ABCA8: variants seen among roughly 807,000 people sequenced by gnomAD.
ABCA8 encodes ATP binding cassette subfamily A member 8.
ABCA8 carries 177 observed loss-of-function variants against 192.3 expected under a neutral mutation model. The observed-to-expected ratio is 0.92, with a 90% CI of 0.81 to 1.04. The LOEUF (loss-of-function observed/expected upper bound fraction) is 1.04. Among genes scored for constraint, ABCA8 ranks in the 50% least tolerant of loss-of-function variants. ABCA8 has a pLI of 0.00. For synonymous variants in ABCA8, 642 were observed against 690.2 expected (o/e 0.93, Z 1.09); for missense variants, 1,915 against 1,904.8 (o/e 1.01, Z -0.10).
intron 21 of ABCA8, among the ~76,000 whole-genome samples, chr17:68,901,419 A>G (rs1160043692): frequency 1.3e-5 from 2 of 152,200 alleles, no homozygotes; most frequent in Admixed American, 1.3e-4. Flanking sequence ...AATCAAAATC[A>G]CAAGATACTA....
intron 17 of ABCA8, among the ~76,000 whole-genome samples, chr17:68,910,929 C>A (rs79523342): frequency 6.6e-6 from 1 of 152,204 alleles, no homozygotes. Flanking sequence ...TGAATAAACA[C>A]CAGGAGTAGC....
At chr17:68,946,835 C>T (rs1448099432) in intron 2 of ABCA8, among the ~76,000 whole-genome samples, 3 of 151,900 alleles carry the variant, frequency 2.0e-5, no homozygotes, top group African/African-American at 7.3e-5. Flanking sequence ...CCGCCACTCA[C>T]GAGGCTGAGG....
intron 26 of ABCA8, among the ~76,000 whole-genome samples, chr17:68,886,126 T>C (rs951205232): frequency 1.3e-5 from 2 of 152,202 alleles, no homozygotes; most frequent in African/African-American, 4.8e-5. Context: ...TAATGACTAC[T>C]TAAAAGTTGT....
chr17:68,895,092 T>C (rs2066712681), intron 21 of ABCA8, 79 bp from the exon 22 acceptor site: 19 of 1,275,334 alleles, frequency 1.5e-5, no homozygotes, highest in Non-Finnish European at 1.7e-5. Flanking sequence ...TTACAGTTAA[T>C]GTCATTATGT....
At chr17:68,932,240 G>A in intron 7 of ABCA8, 48 bp downstream of exon 7, 2 of 1,434,162 alleles carry the variant, frequency 1.4e-6, no homozygotes, top group South Asian at 1.3e-5. Flanking sequence ...AAGATTCCCA[G>A]TTTTCCTGAG....
intron 23 of ABCA8, among the ~76,000 whole-genome samples, chr17:68,893,514 T>C (rs1185060159): frequency 6.6e-6 from 1 of 152,154 alleles, no homozygotes; most frequent in African/African-American, 2.4e-5. Flanking sequence ...AACTTTGTCT[T>C]GAATTTCTTT....
chr17:68,873,579 T>A (rs1477090889), intron 37 of ABCA8, among the ~76,000 whole-genome samples: 1 of 152,214 alleles, frequency 6.6e-6, no homozygotes, highest in Non-Finnish European at 1.5e-5. Context: ...TTATTTTTGT[T>A]TTTATTGTCT....
chr17:68,892,211 TTGC>T (rs2066636388), intron 23 of ABCA8, among the ~76,000 whole-genome samples: 1 of 152,230 alleles, frequency 6.6e-6, no homozygotes, highest in African/African-American at 2.4e-5. Context: ...ATTCTCATAG[TTGC>T]TTCTTTGATT....
In ABCA8 at chr17:68,896,384, C is replaced by T. The variant is rs1045919403; in HGVS notation, c.2765-1371G>A. On this transcript the variant is annotated intron_variant, in intron 21 of 39. Transcript: ENST00000586539. ...CATATTTATAGTAGTGCTCCCTTAT[C>T]CATGGTTTCACTTTCTGCAGTTTTA... Among the ~76,000 whole-genome samples, 5 of 152,196 alleles carry T rather than the reference C, an allele frequency of 3.3e-5. No homozygotes were observed. The South Asian group carries it at 6.2e-4, about 19-fold the overall frequency.
intron 17 of ABCA8, among the ~76,000 whole-genome samples, chr17:68,916,500 C>A (rs191320486): frequency 1.2e-3 from 190 of 152,194 alleles, no homozygotes; most frequent in African/African-American, 4.5e-3. Flanking sequence ...CCCCATAAAT[C>A]TATACACCTA....
At chr17:68,887,915 T>TAC (rs2066520178) in intron 24 of ABCA8, among the ~76,000 whole-genome samples, 1 of 45,078 alleles carries the variant, frequency 2.2e-5, no homozygotes, top group Non-Finnish European at 3.5e-5. Context: ...TATCCATATA[T>TAC]ATATATATAT....
Position 68,881,884 on chromosome 17 carries a change from C to A in ABCA8, c.3925G>T (p.Val1309Phe). 1 of 1,614,024 alleles carries A rather than the reference C, an allele frequency of 6.2e-7. No homozygotes were observed. The highest frequency in any genetic ancestry group is 8.5e-7 in the Non-Finnish European group (1 of 1,179,880). Reference protein sequence around the residue: ...KRKNKIATRNVSFCVRKGEVL... With the variant: ...KRKNKIATRNFSFCVRKGEVL... Reference sequence around the variant, plus strand: ...CAACCTTTTCTAACACAGAAGGAGACATTTCTCGTGGCTATCTTATTCTTC... The same window carrying A: ...CAACCTTTTCTAACACAGAAGGAGAAATTTCTCGTGGCTATCTTATTCTTC... The change falls in exon 31 of 40, where the codon GTC becomes TTC. Residue 1309 changes from valine (V) to phenylalanine (F), a missense_variant. By Grantham distance (50) the Val-to-Phe change is conservative (BLOSUM62 -1). Transcript: ENST00000586539.
At chr17:68,916,263 G>A (rs1042292087) in intron 17 of ABCA8, among the ~76,000 whole-genome samples, 1 of 151,826 alleles carries the variant, frequency 6.6e-6, no homozygotes, top group Admixed American at 6.6e-5. Context: ...TTACTGTGAC[G>A]TTCTTCACAG....
chr17:68,911,447 T>G lies in ABCA8; in HGVS notation c.2139-3568A>C, dbSNP rs2067225164. Among the ~76,000 whole-genome samples the G allele has an allele frequency of 6.6e-6, 1 of 152,084 alleles. No individual in the cohort carries two copies. Among genetic ancestry groups the G allele is most frequent in the Non-Finnish European group, 1.5e-5 (1 of 67,994 alleles). ...ACAGTGCCATGTAGATTCCTAAGAT[T>G]TCTGACTCCAGGTCCTTCCTCCCAG... is the stretch of plus-strand genomic sequence containing the variant. On this transcript the variant is annotated intron_variant, in intron 17 of 39. Transcript: ENST00000586539. This position sits in a 1 kb window ranked among gnomAD's most constrained non-coding sequence, Gnocchi z 5.7.
At chr17:68,922,370 GA>G (rs1259093239) in intron 11 of ABCA8, 70 bp from the exon 12 acceptor site, 2 of 1,070,632 alleles carry the variant, frequency 1.9e-6, no homozygotes, top group African/African-American at 3.3e-5. Flanking sequence ...TGGTAGACAG[GA>G]TTGGATAAAT....
rs780990946 is a variant in ABCA8, at chr17:68,940,843, T to G, written c.216A>C (p.Glu72Asp). 1.2e-6 allele frequency: 2 copies of G among 1,613,556 alleles called. No individual in the cohort carries two copies. The highest frequency in any genetic ancestry group is 1.7e-6 in the Non-Finnish European group (2 of 1,179,594). Residue 72 changes from glutamate (E) to aspartate (D), a missense_variant, in exon 4 of 40, where the codon GAA (glutamate) becomes GAC (aspartate). Coordinates refer to ENST00000586539, the MANE Select transcript of ABCA8 (RefSeq NM_001288985.2). Reference sequence around the variant, plus strand: ...GTGTGTATACAACAGAAAATCTGGATTCATTAAATGTATCTACCCGTCCCA... The same window carrying G: ...GTGTGTATACAACAGAAAATCTGGAGTCATTAAATGTATCTACCCGTCCCA... ...MDLGRVDTFN[E>D]SRFSVVYTPV...
chr17:68,876,777 G>A, intron 33 of ABCA8, 74 bp from the exon 34 acceptor site: 1 of 1,582,810 alleles, frequency 6.3e-7, no homozygotes. Flanking sequence ...AAGCAAGGGT[G>A]GAGAAGCAGA....
chr17:68,882,640 CTCTT>C lies in ABCA8; in HGVS notation c.3783_3786del (p.Arg1262Ter). 6.2e-7 allele frequency: 1 copy of C among 1,612,914 alleles called. No homozygotes were observed. Among genetic ancestry groups the C allele is most frequent in the Non-Finnish European group, 8.5e-7 (1 of 1,179,466 alleles). On this transcript the variant is annotated frameshift_variant, in exon 30 of 40. Coordinates refer to ENST00000586539, the MANE Select transcript of ABCA8 (RefSeq NM_001288985.2). LOFTEE classifies it high-confidence loss of function. ...GAATTCAAGGCATTTGCTGTTCTCA[CTCTT>C]TCCATCTGAACATCTTCATCCTCTC... is the stretch of plus-strand genomic sequence containing the variant.
intron 21 of ABCA8, among the ~76,000 whole-genome samples, chr17:68,901,911 T>C (rs945539446): frequency 5.9e-5 from 9 of 152,044 alleles, no homozygotes; most frequent in African/African-American, 2.2e-4. Flanking sequence ...GTAAACATAG[T>C]TACCACGTGA....
Sources: gnomAD v4.1 joint callset for allele counts (sites outside exome capture counted in the v4.1 genomes callset) on GRCh38, gnomAD v4.1.1 for gene constraint, Gnocchi (gnomAD v3.1) non-coding constraint, MANE v1.5 for transcripts, NCBI Gene and HGNC (gene_info 2026-07-23, HGNC 2026-07-21) for gene names.